The following LHFPL3 variants were observed in gnomAD, a reference collection of about 807,000 sequenced individuals.
LHFPL3 encodes LHFPL tetraspan subfamily member 3 protein.
In LHFPL3, 5 loss-of-function variants were observed where a neutral mutation model predicts 19.3. The observed-to-expected ratio is 0.26, with a 90% CI of 0.14 to 0.54. The LOEUF (loss-of-function observed/expected upper bound fraction) is 0.54, where lower values mean the gene tolerates loss of function less well. Ranked by LOEUF, LHFPL3 falls within the 20% of genes least tolerant of loss-of-function variation. LHFPL3 has a pLI of 0.94. For synonymous variants in LHFPL3, 133 were observed against 126.2 expected, an observed-to-expected ratio of 1.05 and a Z score of -0.36; for missense variants, 249 against 307.4, an observed-to-expected ratio of 0.81 and a Z score of 1.42.
chr7:104,744,166 C>T (rs1272295428), intron 2 of LHFPL3: 1 of 152,074 alleles, frequency 6.6e-6, no homozygotes, highest in Admixed American at 6.6e-5. Flanking sequence ...TTGCTTTCAA[C>T]TTGATCAGTC....
chr7:104,542,852 C>T (rs920353997), intron 1 of LHFPL3, among the ~76,000 whole-genome samples: 12 of 152,188 alleles, frequency 7.9e-5, no homozygotes, highest in African/African-American at 7.2e-5. Context: ...TACATGCACC[C>T]GTAAGTTTAT....
intron 1 of LHFPL3, among the ~76,000 whole-genome samples, chr7:104,481,205 C>T (rs941893317): frequency 2.6e-5 from 4 of 152,178 alleles, no homozygotes; most frequent in Admixed American, 6.5e-5. Context: ...TCATTTCCCA[C>T]CCAGATTGTT....
chr7:104,721,977 C>A (rs1793500149), intron 1 of LHFPL3, among the ~76,000 whole-genome samples: 1 of 152,136 alleles, frequency 6.6e-6, no homozygotes, highest in Admixed American at 6.6e-5. Flanking sequence ...CAGAAGCCAT[C>A]TAGTGGTGCT....
intron 1 of LHFPL3, among the ~76,000 whole-genome samples, chr7:104,428,731 A>G (rs1791894965): frequency 6.6e-6 from 1 of 152,200 alleles, no homozygotes; most frequent in African/African-American, 2.4e-5. Flanking sequence ...AGTTATTTTC[A>G]TATTTTTATT....
intron 2 of LHFPL3, among the ~76,000 whole-genome samples, chr7:104,879,407 C>G (rs897361435): frequency 1.3e-5 from 2 of 151,752 alleles, no homozygotes; most frequent in African/African-American, 4.8e-5. Context: ...CAGAGTGAGA[C>G]CCTGTCTCAA....
At chr7:104,491,505 G>A (rs1793352029) in intron 1 of LHFPL3, among the ~76,000 whole-genome samples, 1 of 152,018 alleles carries the variant, frequency 6.6e-6, no homozygotes, top group African/African-American at 2.4e-5. Flanking sequence ...GAAGAGGGAG[G>A]GCTGGACATA....
At chr7:104,481,291 G>C (rs940075263) in intron 1 of LHFPL3, among the ~76,000 whole-genome samples, 5 of 152,100 alleles carry the variant, frequency 3.3e-5, no homozygotes, top group African/African-American at 1.2e-4. Context: ...GTTTCAGAAA[G>C]AATCTTTCTG....
At chr7:104,397,008 T>G (rs1338887139) in intron 1 of LHFPL3, among the ~76,000 whole-genome samples, 1 of 152,126 alleles carries the variant, frequency 6.6e-6, no homozygotes, top group Non-Finnish European at 1.5e-5. Flanking sequence ...CCTTCTGTTT[T>G]TAGTTGTAGT....
intron 2 of LHFPL3, among the ~76,000 whole-genome samples, chr7:104,783,294 C>G (rs1789849802): frequency 6.6e-6 from 1 of 152,202 alleles, no homozygotes. Flanking sequence ...CCACAGTTCC[C>G]CATCCTTATC....
chr7:104,695,976 A>G (rs1441142168), intron 1 of LHFPL3, among the ~76,000 whole-genome samples: 1 of 152,070 alleles, frequency 6.6e-6, no homozygotes, highest in Non-Finnish European at 1.5e-5. Flanking sequence ...TTTGAGAAGG[A>G]GTCTCACTCT....
chr7:104,391,686 A>G (rs933648795), intron 1 of LHFPL3, among the ~76,000 whole-genome samples: 1 of 152,098 alleles, frequency 6.6e-6, no homozygotes. Flanking sequence ...TTGGTTCTAT[A>G]TGAACTTTAA....
chr7:104,550,554 C>T (rs13227694), intron 1 of LHFPL3, among the ~76,000 whole-genome samples: 2,509 of 152,216 alleles, frequency 0.016, 52 homozygotes, highest in East Asian at 0.12. Flanking sequence ...ATGTAATAAT[C>T]GGCCAGAAAA....
intron 1 of LHFPL3, among the ~76,000 whole-genome samples, chr7:104,653,727 T>C (rs1352343859): frequency 1.3e-5 from 2 of 152,166 alleles, no homozygotes; most frequent in Non-Finnish European, 2.9e-5. Context: ...ATAGAACGCT[T>C]TGACATTCCA....
intron 1 of LHFPL3, chr7:104,667,834 G>A: frequency 5.0e-6 from 8 of 1,610,954 alleles, no homozygotes; most frequent in South Asian, 1.1e-5. Flanking sequence ...GGTACTGGTG[G>A]AGGAAGCACC....
At chr7:104,415,457 C>T (rs1233579254) in intron 1 of LHFPL3, among the ~76,000 whole-genome samples, 1 of 152,076 alleles carries the variant, frequency 6.6e-6, no homozygotes. Context: ...TACTTTGGGT[C>T]ACTGTTTCTT....
chr7:104,896,145 A>G (rs1792354019), intron 2 of LHFPL3: 1 of 152,228 alleles, frequency 6.6e-6, no homozygotes, highest in Non-Finnish European at 1.5e-5. Flanking sequence ...TAAAGGCGCT[A>G]TCTCCAAATA....
In LHFPL3 at chr7:104,726,118, G is replaced by T. The variant is rs1489376470; in HGVS notation, c.446-10557G>T. 4.2e-5 allele frequency among the ~76,000 whole-genome samples: 6 copies of T among 142,978 alleles called. No homozygotes were observed. The Admixed American group carries it at 4.2e-4, about 10-fold the overall frequency. 93.8% of individuals were successfully genotyped at this position (142,978 alleles called of 152,430 possible). A position where few individuals can be genotyped will look rare whatever the true frequency, so the allele number is the denominator to read the frequency against. On this transcript the variant is annotated intron_variant, in intron 1 of 2. Transcript: ENST00000424859. ...TAATCTGTTGTCTAATCATAACAAAGTTGCTTCTGTTAAATGTCAACTAAA... is the reference window on the plus strand; with the variant it reads ...TAATCTGTTGTCTAATCATAACAAATTTGCTTCTGTTAAATGTCAACTAAA...
intron 1 of LHFPL3, among the ~76,000 whole-genome samples, chr7:104,624,205 C>T (rs1209291535): frequency 6.6e-6 from 1 of 152,124 alleles, no homozygotes; most frequent in Non-Finnish European, 1.5e-5. Flanking sequence ...AGTTTTGACA[C>T]ACATACAAAA....
intron 1 of LHFPL3, among the ~76,000 whole-genome samples, chr7:104,505,421 A>G (rs1007013326): frequency 9.9e-5 from 15 of 152,234 alleles, no homozygotes; most frequent in African/African-American, 3.4e-4. Context: ...GTTCTCCTGT[A>G]TATGCCAAAA....
Sources: allele counts gnomAD v4.1 joint callset (sites outside exome capture counted in the v4.1 genomes callset), GRCh38; gene constraint gnomAD v4.1.1; transcripts MANE v1.5; gene names NCBI Gene and HGNC (gene_info 2026-07-23, HGNC 2026-07-21).